The following MEGF8 variants were observed in gnomAD, a reference collection of about 807,000 sequenced individuals.
The protein encoded by MEGF8 is multiple epidermal growth factor-like domains protein 8.
MEGF8 carries 156 observed loss-of-function variants against 302.9 expected under a neutral mutation model. That is an observed-to-expected ratio of 0.52 (90% CI 0.45 to 0.59). MEGF8 has a LOEUF of 0.59. Among genes scored for constraint, MEGF8 ranks in the 20% least tolerant of loss-of-function variants. MEGF8 has a pLI of 0.00. For missense variants in MEGF8, 3,345 were observed against 3,964.5 expected, an observed-to-expected ratio of 0.84 and a Z score of 4.20; for synonymous variants, 1,621 against 1,660.5, an observed-to-expected ratio of 0.98 and a Z score of 0.58.
chr19:42,376,263 C>T lies in MEGF8; in HGVS notation c.8026C>T (p.Leu2676=). 1 of 1,611,428 alleles carries T rather than the reference C, an allele frequency of 6.2e-7. No individual in the cohort carries two copies. Among genetic ancestry groups the T allele is most frequent in the East Asian group, 2.2e-5 (1 of 44,738 alleles). ...CVLLWKAKQA[L]DQRQEQRRHL... ...GCTCCTCTGGAAGGCCAAGCAGGCT[C>T]TGGACCAGCGGCAGGAGCAGCGCCG... Residue 2676 remains leucine, a synonymous_variant, in exon 42 of 42, where the codon CTG becomes TTG. Transcript: ENST00000251268. This position sits in a 1 kb window ranked among gnomAD's most constrained non-coding sequence, Gnocchi z 8.2.
At chr19:42,345,552 G>C (rs1459489898) in intron 12 of MEGF8, among the ~76,000 whole-genome samples, 2 of 152,176 alleles carry the variant, frequency 1.3e-5, no homozygotes, top group East Asian at 3.8e-4. Flanking sequence ...GTGGCCTTTT[G>C]TGTCTGGCTT....
chr19:42,369,819 C>T lies in MEGF8; in HGVS notation c.6834+96C>T. ...GGCGGCTCGCATCTCATCCTGAGCC[C>T]TGATAAGCCAGGGACAGATAAGCCA... On this transcript the variant is annotated intron_variant, in intron 38 of 41. Coordinates refer to ENST00000251268, the MANE Select transcript of MEGF8 (RefSeq NM_001271938.2). This position sits in a 1 kb window ranked among gnomAD's most constrained non-coding sequence, Gnocchi z 5.7. The T allele has an allele frequency of 9.7e-6, 13 of 1,333,694 alleles. No homozygotes were observed. The highest frequency in any genetic ancestry group is 1.3e-5 in the Non-Finnish European group (13 of 982,366). 82.6% of individuals were successfully genotyped at this position (1,333,694 alleles called of 1,614,324 possible). A position where few individuals can be genotyped will look rare whatever the true frequency, so the allele number is the denominator to read the frequency against.
In MEGF8 at chr19:42,357,722, C is replaced by T. The variant is rs1200453271; in HGVS notation, c.5011+138C>T. 2 of 808,518 alleles carry T rather than the reference C, an allele frequency of 2.5e-6. No individual in the cohort carries two copies. The highest frequency in any genetic ancestry group is 1.7e-5 in the African/African-American group (1 of 57,716). The allele number at this position is 808,518 out of a possible 1,614,324, so 50.1% of individuals were successfully genotyped here. On this transcript the variant is annotated intron_variant, in intron 28 of 41. Coordinates refer to ENST00000251268, the MANE Select transcript of MEGF8 (RefSeq NM_001271938.2). This position sits in a 1 kb window ranked among gnomAD's most constrained non-coding sequence, Gnocchi z 5.2. ...CCCATCCCCATGCAGATTCTCAGGG[C>T]ACCCTCTTGAATGTTCAGATTTTCT...
Position 42,357,515 on chromosome 19 carries a change from C to A in MEGF8, c.4942C>A (p.Gln1648Lys), listed in dbSNP as rs777801738. 2.5e-6 allele frequency: 4 copies of A among 1,613,704 alleles called. No homozygotes were observed. Among genetic ancestry groups the A allele is most frequent in the Non-Finnish European group, 3.4e-6 (4 of 1,179,798 alleles). ...CTCCCCGGAAAATGGCTTCAACCAG[C>A]AGCTGCTGGAGTACCAGCTGGCAAC... The part of the protein sequence containing the change: ...GYSPENGFNQ[Q>K]LLEYQLATGT... Residue 1648 changes from glutamine to lysine, a missense_variant, in exon 28 of 42, where the codon CAG becomes AAG. Gln to Lys is a moderately conservative substitution (Grantham distance 53). Transcript: ENST00000251268. This position sits in a 1 kb window ranked among gnomAD's most constrained non-coding sequence, Gnocchi z 5.2.
chr19:42,339,113 C>T (rs544874456), intron 8 of MEGF8, among the ~76,000 whole-genome samples: 1 of 152,260 alleles, frequency 6.6e-6, no homozygotes, highest in East Asian at 1.9e-4. Flanking sequence ...GGATTACAGG[C>T]GTGAGCCAAT....
In MEGF8 at chr19:42,375,797, C is replaced by A; in HGVS notation, c.7560C>A (p.Gly2520=). ...TFVVRVAPDT[G]VHTVHIQPPP... ...TGGTCCGTGTGGCCCCTGACACTGG[C>A]GTCCATACTGTACACATCCAGCCAC... Residue 2520 remains glycine (G), a synonymous_variant, in exon 42 of 42, where the codon GGC becomes GGA. Transcript: ENST00000251268. The surrounding 1 kb of genome is among the most constrained non-coding windows in gnomAD (Gnocchi z 7.1). 1 of 1,612,906 alleles carries A rather than the reference C, an allele frequency of 6.2e-7. No individual in the cohort carries two copies. Among genetic ancestry groups the A allele is most frequent in the Non-Finnish European group, 8.5e-7 (1 of 1,179,830 alleles).
In MEGF8 at chr19:42,363,257, C is replaced by T; in HGVS notation, c.6268C>T (p.Gln2090Ter). The T allele has an allele frequency of 6.3e-7, 1 of 1,592,748 alleles. No homozygotes were observed. Among genetic ancestry groups the T allele is most frequent in the Non-Finnish European group, 8.5e-7 (1 of 1,169,744 alleles). The stretch of plus-strand genomic sequence containing the variant: ...GCACTGTGTTTGGAGCAGCAGCCTG[C>T]AGCAGGTACTGCACCTGGCCAGGAC... ...WQHCVWSSSL[Q>*]QCLSPSYLPL... The change falls in exon 35 of 42, where the codon CAG (glutamine) becomes TAG (stop). Residue 2090 changes from glutamine (Q) to a stop codon, truncating the protein, a stop_gained. Coordinates refer to ENST00000251268, the MANE Select transcript of MEGF8 (RefSeq NM_001271938.2). LOFTEE classifies it high-confidence loss of function.
Position 42,343,505 on chromosome 19 carries a change from C to T in MEGF8, c.1542C>T (p.Tyr514=). The T allele has an allele frequency of 6.2e-7, 1 of 1,612,456 alleles. No individual in the cohort carries two copies. Among genetic ancestry groups the T allele is most frequent in the Non-Finnish European group, 8.5e-7 (1 of 1,178,938 alleles). The change falls in exon 9 of 42, where the codon TAC becomes TAT. Residue 514 remains tyrosine, a synonymous_variant. Transcript: ENST00000251268. Reference sequence around the variant, plus strand: ...GAGCAGCGCCTCCCAGTGGTCGGTACTCACATGTAGCTGCGGTGCTTGGTG... The same window carrying T: ...GAGCAGCGCCTCCCAGTGGTCGGTATTCACATGTAGCTGCGGTGCTTGGTG... ...EGRAAPPSGR[Y]SHVAAVLGGS...
In MEGF8 at chr19:42,358,162, C is replaced by A; in HGVS notation, c.5030C>A (p.Ala1677Asp). ...TPPTGLYGHSAVYHEATDSLY... is the reference protein window; with the variant it reads ...TPPTGLYGHSDVYHEATDSLY... ...TCACCAGGTCTCTATGGTCACTCTG[C>A]TGTCTACCACGAGGCCACCGACTCC... Residue 1677 changes from alanine (A) to aspartate (D), a missense_variant, in exon 29 of 42, where the codon GCT (alanine) becomes GAT (aspartate). Ala to Asp is a moderately radical substitution (Grantham distance 126, BLOSUM62 -2). Coordinates refer to ENST00000251268, the MANE Select transcript of MEGF8 (RefSeq NM_001271938.2). The surrounding 1 kb of genome is among the most constrained non-coding windows in gnomAD (Gnocchi z 4.4). 1 of 1,595,146 alleles carries A rather than the reference C, an allele frequency of 6.3e-7. No homozygotes were observed. The highest frequency in any genetic ancestry group is 8.5e-7 in the Non-Finnish European group (1 of 1,171,672).
At chr19:42,370,565 A>G (rs1175233238) in intron 39 of MEGF8, 136 bp from the exon 40 acceptor site, 35 of 963,902 alleles carry the variant, frequency 3.6e-5, no homozygotes, top group Admixed American at 2.3e-4. Flanking sequence ...GGACTCCTGG[A>G]TCTGAGGGAG....
chr19:42,360,692 C>T, intron 31 of MEGF8, 83 bp from the exon 32 acceptor site: 2 of 1,533,218 alleles, frequency 1.3e-6, no homozygotes, highest in Non-Finnish European at 1.8e-6. Context: ...TTCCCTGCAT[C>T]CTTCTCTGAC....
chr19:42,358,561 C>T lies in MEGF8; in HGVS notation c.5176-226C>T, dbSNP rs2039485374. Among the ~76,000 whole-genome samples, 1 of 152,204 alleles carries T rather than the reference C, an allele frequency of 6.6e-6. No homozygotes were observed. The highest frequency in any genetic ancestry group is 2.4e-5 in the African/African-American group (1 of 41,446). The stretch of plus-strand genomic sequence containing the variant: ...TTGGTGCGGCCCTGGCAGGCCCCTT[C>T]CCCGTCCTGGGTTTTTCCACTCGTA... On this transcript the variant is annotated intron_variant, in intron 29 of 41. Coordinates refer to ENST00000251268, the MANE Select transcript of MEGF8 (RefSeq NM_001271938.2). This position sits in a 1 kb window ranked among gnomAD's most constrained non-coding sequence, Gnocchi z 4.4.
At chr19:42,359,343 A>G in intron 31 of MEGF8, 101 bp downstream of exon 31, 1 of 1,140,064 alleles carries the variant, frequency 8.8e-7, no homozygotes, top group Non-Finnish European at 1.2e-6. Flanking sequence ...GGGCCCCTGC[A>G]GACCCACTGG....
chr19:42,327,405 C>T (rs967119485), intron 1 of MEGF8, among the ~76,000 whole-genome samples: 2 of 152,096 alleles, frequency 1.3e-5, no homozygotes, highest in Admixed American at 1.3e-4. Context: ...CCTGGGAGAG[C>T]CCAGAGAAAG....
chr19:42,356,118 G>C lies in MEGF8; in HGVS notation c.4428G>C (p.Gly1476=). ...LGVCICAEGF[G]GPDCATKLDG... is the part of the protein sequence containing the mutation. The stretch of plus-strand genomic sequence containing the variant: ...TGTGCATCTGTGCCGAGGGCTTCGG[G>C]GGCCCCGACTGCGCCACCAAGCTGG... The change falls in exon 25 of 42, where the codon GGG becomes GGC. Residue 1476 remains glycine, a synonymous_variant. Transcript: ENST00000251268. The surrounding 1 kb of genome is among the most constrained non-coding windows in gnomAD (Gnocchi z 5.2). 1 of 1,585,396 alleles carries C rather than the reference G, an allele frequency of 6.3e-7. No individual in the cohort carries two copies.
Position 42,356,567 on chromosome 19 carries a change from G to A in MEGF8, c.4622+114G>A, listed in dbSNP as rs938329070. The A allele has an allele frequency of 5.0e-6, 5 of 993,926 alleles. No individual in the cohort carries two copies. In the African/African-American group the frequency reaches 8.2e-5, roughly 16 times the overall value. The allele number at this position is 993,926 out of a possible 1,614,324, so 61.6% of individuals were successfully genotyped here. A position where few individuals can be genotyped will look rare whatever the true frequency, so the allele number is the denominator to read the frequency against. ...CCTCTAAGGTAAAGGACAGCCCAAA[G>A]GATGCTGGGACACTTGTCACAGGAA... On this transcript the variant is annotated intron_variant, in intron 26 of 41. Transcript: ENST00000251268. The surrounding 1 kb of genome is among the most constrained non-coding windows in gnomAD (Gnocchi z 5.2).
At chr19:42,346,451 A>G (rs1365089683) in intron 12 of MEGF8, among the ~76,000 whole-genome samples, 1 of 151,594 alleles carries the variant, frequency 6.6e-6, no homozygotes, top group Non-Finnish European at 1.5e-5. Flanking sequence ...CTAAGGTGGG[A>G]GGATCACTTG....
At position 42,358,280 on chromosome 19, in the gene MEGF8, T is replaced by C; in HGVS notation, c.5148T>C (p.Ser1716=). ...TGCACTGTCCTGACCGCACCTGGAG[T>C]CTGCTGGCCCCTTCTCAGGGGGCAA... The part of the protein sequence containing the change: ...YSLHCPDRTW[S]LLAPSQGAKR... Residue 1716 remains serine, a synonymous_variant, in exon 29 of 42, where the codon AGT becomes AGC. Coordinates refer to ENST00000251268, the MANE Select transcript of MEGF8 (RefSeq NM_001271938.2). This position sits in a 1 kb window ranked among gnomAD's most constrained non-coding sequence, Gnocchi z 4.4. 2 of 1,604,392 alleles carry C rather than the reference T, an allele frequency of 1.2e-6. No homozygotes were observed. Among genetic ancestry groups the C allele is most frequent in the African/African-American group, 1.3e-5 (1 of 74,678 alleles).
At chr19:42,335,268 A>G (rs749509767) in intron 4 of MEGF8, 29 bp from the exon 5 acceptor site, 1 of 1,613,864 alleles carries the variant, frequency 6.2e-7, no homozygotes, top group Non-Finnish European at 8.5e-7. Flanking sequence ...GCCTATGGCC[A>G]GGGCATGAGA....
Sources: gnomAD v4.1 joint callset for allele counts (sites outside exome capture counted in the v4.1 genomes callset) on GRCh38, gnomAD v4.1.1 for gene constraint, Gnocchi (gnomAD v3.1) non-coding constraint, MANE v1.5 for transcripts, NCBI Gene and HGNC (gene_info 2026-07-23, HGNC 2026-07-21) for gene names.